Variants in SH3GL3 observed in about 807,000 individuals in gnomAD.
SH3GL3 encodes endophilin-A3.
Under a neutral mutation model 47.7 loss-of-function variants are expected in SH3GL3, and 33 were observed. That is an observed-to-expected ratio of 0.69 (90% CI 0.52 to 0.92). SH3GL3 has a LOEUF of 0.92. Ranked by LOEUF, SH3GL3 falls within the 40% of genes least tolerant of loss-of-function variation. SH3GL3 has a pLI of 0.00. For synonymous variants in SH3GL3, 155 were observed against 148.8 expected, an observed-to-expected ratio of 1.04 and a Z score of -0.30; for missense variants, 363 against 417.8, an observed-to-expected ratio of 0.87 and a Z score of 1.14.
At chr15:83,554,419 T>G (rs551860384) in intron 1 of SH3GL3, among the ~76,000 whole-genome samples, 1 of 152,168 alleles carries the variant, frequency 6.6e-6, no homozygotes, top group South Asian at 2.1e-4. Flanking sequence ...ACTCCTGACC[T>G]CATGTGATCC....
At chr15:83,457,099 T>C (rs1367663949) in intron 1 of SH3GL3, among the ~76,000 whole-genome samples, 1 of 152,246 alleles carries the variant, frequency 6.6e-6, no homozygotes, top group African/African-American at 2.4e-5. Flanking sequence ...ACAGCATTTA[T>C]TGTTGAAGAA....
chr15:83,543,713 A>G (rs964343151), intron 1 of SH3GL3, among the ~76,000 whole-genome samples: 1 of 152,038 alleles, frequency 6.6e-6, no homozygotes, highest in Non-Finnish European at 1.5e-5. Flanking sequence ...TAGCCTATTC[A>G]GACTTTGGAT....
At chr15:83,498,119 CT>C (rs1868627879) in intron 1 of SH3GL3, among the ~76,000 whole-genome samples, 1 of 152,190 alleles carries the variant, frequency 6.6e-6, no homozygotes, top group Admixed American at 6.5e-5. Context: ...TTCTCTTGAG[CT>C]TTAGGCAGCC....
At chr15:83,602,161 A>G (rs1383607349) in intron 8 of SH3GL3, among the ~76,000 whole-genome samples, 1 of 152,134 alleles carries the variant, frequency 6.6e-6, no homozygotes, top group African/African-American at 2.4e-5. Flanking sequence ...AAGAACAAAC[A>G]TTTAGGTTAG....
rs181379933 is a variant in SH3GL3, at chr15:83,581,365, C to A, written c.624+4624C>A. Among the ~76,000 whole-genome samples, 78 of 152,332 alleles carry A rather than the reference C, an allele frequency of 5.1e-4. 1 individual carries two copies. The highest frequency in any genetic ancestry group is 1.8e-3 in the African/African-American group (74 of 41,580). ...AGCCACATGAGATCACATGCCAGCCCCTTGCTCAGAGAGCAGGGCTCTCTA... is the reference window on the plus strand; with the variant it reads ...AGCCACATGAGATCACATGCCAGCCACTTGCTCAGAGAGCAGGGCTCTCTA... On this transcript the variant is annotated intron_variant, in intron 6 of 8. Transcript: ENST00000427482.
intron 1 of SH3GL3, among the ~76,000 whole-genome samples, chr15:83,487,216 T>A (rs1244309539): frequency 6.6e-6 from 1 of 151,898 alleles, no homozygotes; most frequent in African/African-American, 2.4e-5. Context: ...TTTTTTTTTT[T>A]TTTATCTTTC....
chr15:83,464,988 T>TGTAATA (rs1188712398), intron 1 of SH3GL3, among the ~76,000 whole-genome samples: 8 of 141,526 alleles, frequency 5.7e-5, no homozygotes, highest in Non-Finnish European at 1.2e-4. Flanking sequence ...GAACTTAAAG[T>TGTAATA]ATAATAATAA....
At chr15:83,592,194 T>C (rs1364998097) in intron 8 of SH3GL3, among the ~76,000 whole-genome samples, 1 of 152,242 alleles carries the variant, frequency 6.6e-6, no homozygotes, top group African/African-American at 2.4e-5. Flanking sequence ...TTTCCTGATA[T>C]GGAAGATAAT....
rs2045492617 is a variant in SH3GL3 at position 83,565,539 on chromosome 15, A to T, written c.187+333A>T. 1.4e-5 allele frequency: 3 copies of T among 216,190 alleles called. No individual in the cohort carries two copies. The South Asian group carries it at 2.5e-4, about 18-fold the overall frequency. 13.4% of individuals were successfully genotyped at this position (216,190 alleles called of 1,614,324 possible). ...TTTTCTTCCTTATTTCCTCTTTATA[A>T]TTTTTTTAAAAATTCTGCCCTTGTG... is the stretch of plus-strand genomic sequence containing the variant. On this transcript the variant is annotated intron_variant, in intron 3 of 8. Transcript: ENST00000427482.
intron 8 of SH3GL3, among the ~76,000 whole-genome samples, chr15:83,614,936 C>A (rs958157205): frequency 6.6e-6 from 1 of 152,170 alleles, no homozygotes; most frequent in Non-Finnish European, 1.5e-5. Context: ...AATACCCCAA[C>A]GTACCTATTC....
chr15:83,509,272 T>G (rs748856058), intron 1 of SH3GL3, among the ~76,000 whole-genome samples: 4 of 151,846 alleles, frequency 2.6e-5, no homozygotes, highest in Non-Finnish European at 5.9e-5. Flanking sequence ...TCTCACGGAG[T>G]GAGGGCAGAA....
At chr15:83,628,441 T>C in the SH3GL3 span, among the ~76,000 whole-genome samples, 1 of 152,126 alleles carries the variant, frequency 6.6e-6, no homozygotes, top group Non-Finnish European at 1.5e-5. Context: ...CATGGAGTAA[T>C]GACTATAAAG....
chr15:83,586,970 A>C lies in SH3GL3; in HGVS notation c.625-13A>C, dbSNP rs1203007641. ...TCGGGCCTCCATGGAATAATTTTGC[A>C]CTTCTGCTGCAGGTAGAACAAGTCA... On this transcript the variant is annotated splice_polypyrimidine_tract_variant and intron_variant, in intron 6 of 8. Coordinates refer to ENST00000427482, the MANE Select transcript of SH3GL3 (RefSeq NM_003027.5). The C allele has an allele frequency of 6.5e-7, 1 of 1,532,308 alleles. No homozygotes were observed. The highest frequency in any genetic ancestry group is 9.0e-7 in the Non-Finnish European group (1 of 1,115,920). 94.9% of individuals were successfully genotyped at this position (1,532,308 alleles called of 1,614,324 possible). A position where few individuals can be genotyped will look rare whatever the true frequency, so the allele number is the denominator to read the frequency against.
intron 1 of SH3GL3, among the ~76,000 whole-genome samples, chr15:83,511,459 G>A (rs2042745753): frequency 6.6e-6 from 1 of 152,202 alleles, no homozygotes; most frequent in Admixed American, 6.5e-5. Flanking sequence ...CGTGACGTCA[G>A]ATATTATGTT....
chr15:83,565,357 G>C (rs1025052756), intron 3 of SH3GL3, 151 bp downstream of exon 3: 2 of 637,800 alleles, frequency 3.1e-6, no homozygotes, highest in African/African-American at 3.7e-5. Flanking sequence ...AGTGACCAAA[G>C]GTAGTTGCAT....
intron 1 of SH3GL3, among the ~76,000 whole-genome samples, chr15:83,528,192 T>A (rs1652385106): frequency 6.6e-6 from 1 of 152,192 alleles, no homozygotes; most frequent in Non-Finnish European, 1.5e-5. Context: ...GGCAGTTCCC[T>A]TATGTGACTA....
At chr15:83,488,319 A>G (rs2151573870) in intron 1 of SH3GL3, 1 of 152,358 alleles carries the variant, frequency 6.6e-6, no homozygotes, top group East Asian at 1.9e-4. Flanking sequence ...CATGCCTCAG[A>G]ATGCAGTTAG....
intron 1 of SH3GL3, among the ~76,000 whole-genome samples, chr15:83,497,494 C>T (rs2042128627): frequency 1.3e-5 from 2 of 152,162 alleles, no homozygotes; most frequent in African/African-American, 4.8e-5. Context: ...CCCCTTCTTC[C>T]AAACATATTT....
chr15:83,497,516 A>T (rs2042129616), intron 1 of SH3GL3, among the ~76,000 whole-genome samples: 1 of 151,978 alleles, frequency 6.6e-6, no homozygotes. Flanking sequence ...TTTGTCTCTT[A>T]TCTTTATTCC....
Sources: gnomAD v4.1 joint callset for allele counts (sites outside exome capture counted in the v4.1 genomes callset) on GRCh38, gnomAD v4.1.1 for gene constraint, MANE v1.5 for transcripts, NCBI Gene and HGNC (gene_info 2026-07-23, HGNC 2026-07-21) for gene names.